CLSTN2: variants seen among roughly 807,000 people sequenced by gnomAD.
CLSTN2 encodes calsyntenin 2.
CLSTN2 carries 48 observed loss-of-function variants against 101.2 expected under a neutral mutation model. The observed-to-expected ratio is 0.47, with a 90% CI of 0.38 to 0.60. The LOEUF is 0.60. CLSTN2 is among the 20% of genes least tolerant of loss of function. CLSTN2 has a pLI of 0.00. For synonymous variants in CLSTN2, 481 were observed against 463.6 expected (o/e 1.04, Z -0.48); for missense variants, 1,160 against 1,238.2 (o/e 0.94, Z 0.95).
At chr3:140,492,119 C>G (rs1934365668) in intron 8 of CLSTN2, among the ~76,000 whole-genome samples, 1 of 150,898 alleles carries the variant, frequency 6.6e-6, no homozygotes, top group South Asian at 2.1e-4. Context: ...CCACAGTGAG[C>G]TATACCAAGC....
chr3:139,954,926 C>G (rs189633366), intron 1 of CLSTN2, among the ~76,000 whole-genome samples: 2 of 151,820 alleles, frequency 1.3e-5, no homozygotes, highest in Non-Finnish European at 2.9e-5. Context: ...GTGAATTAGT[C>G]CATTAGTTTA....
At chr3:140,477,607 T>A (rs1345472685) in intron 8 of CLSTN2, among the ~76,000 whole-genome samples, 1 of 152,204 alleles carries the variant, frequency 6.6e-6, no homozygotes, top group Non-Finnish European at 1.5e-5. Context: ...TAACTCCATG[T>A]TATAAATACT....
At chr3:140,482,516 G>A (rs567718065) in intron 8 of CLSTN2, among the ~76,000 whole-genome samples, 2 of 152,294 alleles carry the variant, frequency 1.3e-5, no homozygotes, top group East Asian at 1.9e-4. Flanking sequence ...CAGAAGGAAT[G>A]GTACCAGCTC....
intron 1 of CLSTN2, among the ~76,000 whole-genome samples, chr3:140,090,508 A>G (rs1231736784): frequency 4.6e-5 from 7 of 152,218 alleles, no homozygotes; most frequent in African/African-American, 1.7e-4. Context: ...AGGTACTATC[A>G]ATAATGGATG....
chr3:140,566,529 C>T lies in CLSTN2; in HGVS notation c.*276C>T, dbSNP rs1219812122. On this transcript the variant is annotated 3_prime_UTR_variant, in exon 17 of 17. Coordinates refer to ENST00000458420, the MANE Select transcript of CLSTN2 (RefSeq NM_022131.3). Reference sequence around the variant, plus strand: ...CTAAGTTCCCCAGCATCCTGACTACCTGTCTGCAGAGTTTGCCTTTGTTTT... The same window carrying T: ...CTAAGTTCCCCAGCATCCTGACTACTTGTCTGCAGAGTTTGCCTTTGTTTT... 11 of 481,742 alleles carry T rather than the reference C, an allele frequency of 2.3e-5. No homozygotes were observed. In the Admixed American group the frequency reaches 3.6e-4, roughly 16 times the overall value. 29.8% of individuals were successfully genotyped at this position (481,742 alleles called of 1,614,324 possible). A position where few individuals can be genotyped will look rare whatever the true frequency, so the allele number is the denominator to read the frequency against.
intron 8 of CLSTN2, among the ~76,000 whole-genome samples, chr3:140,509,135 T>A (rs935572407): frequency 6.6e-6 from 1 of 152,178 alleles, no homozygotes; most frequent in Non-Finnish European, 1.5e-5. Context: ...CTGGAACATA[T>A]GTGTGAATGA....
chr3:140,399,409 G>A lies in CLSTN2; in HGVS notation c.233-4220G>A, dbSNP rs2088217195. 2.0e-5 allele frequency among the ~76,000 whole-genome samples: 3 copies of A among 151,844 alleles called. 1 individual carries two copies. The South Asian group carries it at 6.3e-4, about 32-fold the overall frequency. ...TCTTTCTATCTAGAATTTTGTCCTGGGACCTTTCTTCCAGAAGTCTCTGTT... is the reference window on the plus strand; with the variant it reads ...TCTTTCTATCTAGAATTTTGTCCTGAGACCTTTCTTCCAGAAGTCTCTGTT... On this transcript the variant is annotated intron_variant, in intron 2 of 16. Coordinates refer to ENST00000458420, the MANE Select transcript of CLSTN2 (RefSeq NM_022131.3).
At chr3:140,338,399 G>C (rs2087462322) in intron 2 of CLSTN2, among the ~76,000 whole-genome samples, 1 of 152,188 alleles carries the variant, frequency 6.6e-6, no homozygotes. Context: ...AAGGGCTTCT[G>C]TAAGTCGACC....
intron 1 of CLSTN2, among the ~76,000 whole-genome samples, chr3:139,994,174 C>T (rs893089839): frequency 6.6e-6 from 1 of 152,206 alleles, no homozygotes; most frequent in Non-Finnish European, 1.5e-5. Context: ...AGACCCAGTG[C>T]TTTTCTGCTA....
At chr3:139,968,849 A>AT (rs1411898848) in intron 1 of CLSTN2, among the ~76,000 whole-genome samples, 1 of 152,246 alleles carries the variant, frequency 6.6e-6, no homozygotes, top group East Asian at 1.9e-4. Flanking sequence ...ATTCAAATTC[A>AT]TATTGCTAAG....
At chr3:140,542,843 A>G (rs990011353) in intron 9 of CLSTN2, among the ~76,000 whole-genome samples, 4 of 152,188 alleles carry the variant, frequency 2.6e-5, no homozygotes, top group African/African-American at 9.7e-5. Flanking sequence ...GAGGGTTAGA[A>G]GATAGATCCT....
intron 2 of CLSTN2, among the ~76,000 whole-genome samples, chr3:140,267,861 C>T (rs2086709037): frequency 6.6e-6 from 1 of 152,118 alleles, no homozygotes; most frequent in Non-Finnish European, 1.5e-5. Flanking sequence ...TAACTGTGAG[C>T]AGAAAAGCCT....
chr3:140,544,306 G>A (rs781335883), intron 9 of CLSTN2, among the ~76,000 whole-genome samples: 2 of 152,174 alleles, frequency 1.3e-5, no homozygotes, highest in Non-Finnish European at 2.9e-5. Flanking sequence ...CTGCCATCCA[G>A]GAGAGAAAGA....
intron 2 of CLSTN2, among the ~76,000 whole-genome samples, chr3:140,220,213 G>T (rs1395206814): frequency 6.6e-6 from 1 of 152,140 alleles, no homozygotes; most frequent in Non-Finnish European, 1.5e-5. Flanking sequence ...ACTTCTCAAG[G>T]TCTTTAGTCT....
intron 1 of CLSTN2, among the ~76,000 whole-genome samples, chr3:140,062,292 A>T (rs999773911): frequency 1.2e-4 from 18 of 152,206 alleles, no homozygotes; most frequent in African/African-American, 4.1e-4. Flanking sequence ...GGTAGCAGCA[A>T]AAAGAACCAT....
chr3:139,988,964 A>G (rs1414316906), intron 1 of CLSTN2, among the ~76,000 whole-genome samples: 1 of 152,206 alleles, frequency 6.6e-6, no homozygotes, highest in Non-Finnish European at 1.5e-5. Flanking sequence ...TGTGTGTAAT[A>G]TGAACAGGAG....
chr3:140,219,847 T>C (rs1378777016), intron 2 of CLSTN2, among the ~76,000 whole-genome samples: 1 of 152,212 alleles, frequency 6.6e-6, no homozygotes, highest in African/African-American at 2.4e-5. Flanking sequence ...ATCATCGCTA[T>C]CATACCTACC....
At chr3:140,474,139 A>G (rs1290460882) in intron 8 of CLSTN2, among the ~76,000 whole-genome samples, 2 of 152,040 alleles carry the variant, frequency 1.3e-5, no homozygotes, top group African/African-American at 2.4e-5. Context: ...GGAAACTAAT[A>G]CCTCACTTGT....
intron 2 of CLSTN2, among the ~76,000 whole-genome samples, chr3:140,268,504 G>A (rs78220082): frequency 0.034 from 5,183 of 152,270 alleles, 181 homozygotes; most frequent in African/African-American, 0.085. Flanking sequence ...CAGGCAGGCA[G>A]GACTGGGTGT....
Sources: gnomAD v4.1 joint callset for allele counts (sites outside exome capture counted in the v4.1 genomes callset) on GRCh38, gnomAD v4.1.1 for gene constraint, MANE v1.5 for transcripts, NCBI Gene and HGNC (gene_info 2026-07-23, HGNC 2026-07-21) for gene names.